The following USP44 variants were observed in gnomAD, a reference collection of about 807,000 sequenced individuals.
USP44 encodes ubiquitin specific peptidase 44.
Under a neutral mutation model 69.0 loss-of-function variants are expected in USP44, and 61 were observed. The observed-to-expected ratio is 0.88, with a 90% CI of 0.72 to 1.09. The LOEUF (loss-of-function observed/expected upper bound fraction) is 1.09. USP44 is among the 50% of genes least tolerant of loss of function. The pLI is 0.00. For synonymous variants in USP44, 297 were observed against 295.4 expected, an observed-to-expected ratio of 1.01 and a Z score of -0.06; for missense variants, 753 against 849.9, an observed-to-expected ratio of 0.89 and a Z score of 1.42.
chr12:95,527,838 T>TC (rs58117598), intron 3 of USP44, among the ~76,000 whole-genome samples: 83,125 of 129,662 alleles, frequency 0.64, 27,238 homozygotes, highest in East Asian at 0.95. Context: ...GGAAGATGCT[T>TC]TTTTTTTTTT....
chr12:95,539,107 T>C (rs2077300994), intron 1 of USP44, among the ~76,000 whole-genome samples: 1 of 152,200 alleles, frequency 6.6e-6, no homozygotes, highest in South Asian at 2.1e-4. Context: ...ATTAAAACTA[T>C]CTGTGCTATA....
intron 1 of USP44, chr12:95,535,408 G>A (rs947144354): frequency 6.6e-6 from 1 of 152,028 alleles, no homozygotes; most frequent in East Asian, 1.9e-4. Context: ...CTCTGAGGCC[G>A]AACAGACTTG....
Position 95,532,877 on chromosome 12 carries a change from T to C in USP44, c.1380A>G (p.Gln460=). Reference sequence around the variant, plus strand: ...AAATGTTATTTACAACATTCAGAACTTGTTTGATGAGTTTCCTTTGAGAAG... The same window carrying C: ...AAATGTTATTTACAACATTCAGAACCTGTTTGATGAGTTTCCTTTGAGAAG... ...IPTSQRKLIK[Q]VLNVVNNIFH... Residue 460 remains glutamine, a synonymous_variant, in exon 2 of 6, where the codon CAA becomes CAG. Coordinates refer to ENST00000258499, the MANE Select transcript of USP44 (RefSeq NM_032147.5). 2 of 1,606,914 alleles carry C rather than the reference T, an allele frequency of 1.2e-6. No homozygotes were observed. Among genetic ancestry groups the C allele is most frequent in the Non-Finnish European group, 1.7e-6 (2 of 1,177,796 alleles).
At chr12:95,535,044 T>G (rs1285211146) in intron 1 of USP44, among the ~76,000 whole-genome samples, 1 of 152,194 alleles carries the variant, frequency 6.6e-6, no homozygotes, top group Non-Finnish European at 1.5e-5. Context: ...ATAAACATTA[T>G]GAGCCTTATG....
Position 95,518,132 on chromosome 12 carries a change from A to T in USP44, c.*22T>A. 1.9e-6 allele frequency: 3 copies of T among 1,612,704 alleles called. No homozygotes were observed. The highest frequency in any genetic ancestry group is 1.7e-6 in the Non-Finnish European group (2 of 1,179,122). On this transcript the variant is annotated 3_prime_UTR_variant, in exon 6 of 6. Coordinates refer to ENST00000258499, the MANE Select transcript of USP44 (RefSeq NM_032147.5). ...AAAAGTATATATATAAATCACAGGA[A>T]GAAAACCCCATTGTCTTTGGATCAG...
chr12:95,524,847 G>A (rs1325978948), intron 3 of USP44, 59 bp from the exon 4 acceptor site: 4 of 1,426,086 alleles, frequency 2.8e-6, no homozygotes, highest in Admixed American at 4.0e-5. Context: ...GGGAAAAGCT[G>A]AGTGAACCTT....
chr12:95,524,548 G>A (rs1186616984), intron 4 of USP44, 132 bp downstream of exon 4: 4 of 613,384 alleles, frequency 6.5e-6, no homozygotes, highest in Admixed American at 7.1e-5. Flanking sequence ...CCAAGTATAT[G>A]ATATTAAAAG....
At chr12:95,524,939 C>T in intron 3 of USP44, 151 bp from the exon 4 acceptor site, 2 of 662,702 alleles carry the variant, frequency 3.0e-6, no homozygotes, top group Non-Finnish European at 4.5e-6. Context: ...GGGCTTTGCC[C>T]TCAAGAAACT....
Position 95,521,006 on chromosome 12 carries a change from A to T in USP44, c.1930T>A (p.Ser644Thr), listed in dbSNP as rs1158035195. ...SGHYTAYCYN[S>T]EGGFWVHCND... ...TTTTTCTTATCTATACCTCCTTCAG[A>T]ATTATAGCAGTAGGCAGTGTAGTGC... Residue 644 changes from serine to threonine, a missense_variant, in exon 5 of 6, where the codon TCT becomes ACT. Transcript: ENST00000258499. 1.2e-6 allele frequency: 2 copies of T among 1,614,184 alleles called. No homozygotes were observed. Among genetic ancestry groups the T allele is most frequent in the Non-Finnish European group, 1.7e-6 (2 of 1,180,012 alleles).
chr12:95,550,664 A>T (rs2077708948), intron 1 of USP44, among the ~76,000 whole-genome samples: 1 of 152,216 alleles, frequency 6.6e-6, no homozygotes, highest in African/African-American at 2.4e-5. Context: ...AATGCCATAA[A>T]ACCATTCTGG....
At chr12:95,526,578 A>G (rs1160812137) in intron 3 of USP44, among the ~76,000 whole-genome samples, 1 of 152,168 alleles carries the variant, frequency 6.6e-6, no homozygotes, top group Non-Finnish European at 1.5e-5. Context: ...TCTCAAAAAA[A>G]CAACAAAAAA....
In USP44 at chr12:95,529,015, A is replaced by C. The variant is rs1282934478; in HGVS notation, c.1429-13T>G. On this transcript the variant is annotated splice_polypyrimidine_tract_variant and intron_variant, in intron 2 of 5. Coordinates refer to ENST00000258499, the MANE Select transcript of USP44 (RefSeq NM_032147.5). ...CAAGACATGTAACCTGCAAATGAGA[A>C]TATGAGTTCCTAAGATTATAATCTT... is the stretch of plus-strand genomic sequence containing the variant. The C allele has an allele frequency of 1.9e-6, 3 of 1,593,882 alleles. No homozygotes were observed. The highest frequency in any genetic ancestry group is 1.3e-5 in the African/African-American group (1 of 74,314).
intron 1 of USP44, among the ~76,000 whole-genome samples, chr12:95,545,369 A>G (rs1268654570): frequency 2.0e-5 from 3 of 152,210 alleles, no homozygotes; most frequent in Non-Finnish European, 2.9e-5. Flanking sequence ...AATTTTTGTA[A>G]CAAAACATTT....
chr12:95,549,321 T>C (rs2077679365), intron 1 of USP44, among the ~76,000 whole-genome samples: 1 of 152,196 alleles, frequency 6.6e-6, no homozygotes, highest in Admixed American at 6.5e-5. Context: ...ATTGGGTTTT[T>C]TCGCACCGCA....
At chr12:95,547,777 T>C (rs1167706064) in intron 1 of USP44, among the ~76,000 whole-genome samples, 1 of 152,002 alleles carries the variant, frequency 6.6e-6, no homozygotes, top group African/African-American at 2.4e-5. Flanking sequence ...GATACAACAA[T>C]TAAAGCTTAA....
intron 2 of USP44, among the ~76,000 whole-genome samples, chr12:95,530,650 G>GATAT (rs2076988253): frequency 1.0e-5 from 1 of 99,184 alleles, no homozygotes; most frequent in African/African-American, 3.3e-5. Context: ...TGGAAATATA[G>GATAT]ATAGATAGAT....
At chr12:95,545,705 G>T (rs1309527067) in intron 1 of USP44, among the ~76,000 whole-genome samples, 1 of 152,168 alleles carries the variant, frequency 6.6e-6, no homozygotes, top group Admixed American at 6.5e-5. Context: ...ACAGAAAGGG[G>T]TTCAATATTT....
rs2077660779 is a variant in USP44 at position 95,548,738 on chromosome 12, T to C, written c.-71+2534A>G. ...CCCGCAGGGGTCCTCACTCCGCCAA[T>C]CGCCGCGGCCGCGCGCCCTCGCGCA... is the stretch of plus-strand genomic sequence containing the variant. On this transcript the variant is annotated intron_variant, in intron 1 of 5. Transcript: ENST00000258499. The surrounding 1 kb of genome is among the most constrained non-coding windows in gnomAD (Gnocchi z 4.1). 6.9e-6 allele frequency: 1 copy of C among 144,556 alleles called. No homozygotes were observed. Among genetic ancestry groups the C allele is most frequent in the South Asian group, 2.2e-4 (1 of 4,526 alleles). 9.0% of individuals were successfully genotyped at this position (144,556 alleles called of 1,614,324 possible). A position where few individuals can be genotyped will look rare whatever the true frequency, so the allele number is the denominator to read the frequency against.
intron 2 of USP44, 148 bp downstream of exon 2, chr12:95,532,681 A>T: frequency 1.6e-6 from 1 of 616,400 alleles, no homozygotes; most frequent in East Asian, 3.1e-5. Flanking sequence ...GAGTGAGCTG[A>T]TTTCTCTATA....
Sources: gnomAD v4.1 joint callset for allele counts (sites outside exome capture counted in the v4.1 genomes callset) on GRCh38, gnomAD v4.1.1 for gene constraint, Gnocchi (gnomAD v3.1) non-coding constraint, MANE v1.5 for transcripts, NCBI Gene and HGNC (gene_info 2026-07-23, HGNC 2026-07-21) for gene names.